RNF115: variants seen among roughly 807,000 people sequenced by gnomAD.
RNF115 encodes ring finger protein 115.
A neutral mutation model predicts 39.2 loss-of-function variants in RNF115; 31 were observed. The observed-to-expected ratio is 0.79, with a 90% CI of 0.59 to 1.07. The LOEUF (loss-of-function observed/expected upper bound fraction) is 1.07. Ranked by LOEUF, RNF115 falls within the 50% of genes least tolerant of loss-of-function variation. RNF115 has a pLI of 0.00. For synonymous variants in RNF115, 124 were observed against 131.0 expected, an observed-to-expected ratio of 0.95 and a Z score of 0.37; for missense variants, 384 against 381.7, an observed-to-expected ratio of 1.01 and a Z score of -0.05.
intron 1 of RNF115, among the ~76,000 whole-genome samples, chr1:145,795,502 G>A (rs1648935448): frequency 6.6e-6 from 1 of 152,072 alleles, no homozygotes; most frequent in African/African-American, 2.4e-5. Context: ...ACAGAGTGCT[G>A]ATTAGTGTGT....
intron 3 of RNF115, among the ~76,000 whole-genome samples, chr1:145,774,602 C>T (rs1304686950): frequency 1.3e-5 from 2 of 152,108 alleles, no homozygotes; most frequent in African/African-American, 4.8e-5. Flanking sequence ...CCGCCCACCT[C>T]GGCCTCCCAA....
chr1:145,755,742 C>A (rs924584038), intron 4 of RNF115, among the ~76,000 whole-genome samples: 9 of 151,722 alleles, frequency 5.9e-5, no homozygotes, highest in Non-Finnish European at 1.2e-4. Context: ...TAAAAAAAAA[C>A]AGAAGCACTA....
chr1:145,754,916 T>C lies in RNF115; in HGVS notation c.429-1867A>G, dbSNP rs587765849. ...CACTTAACAATAGAATATGGCAGAA[T>C]TGATAATCTGTGACTTCCAAGACAA... is the stretch of plus-strand genomic sequence containing the variant. On this transcript the variant is annotated intron_variant, in intron 4 of 8. Coordinates refer to ENST00000582693, the MANE Select transcript of RNF115 (RefSeq NM_014455.4). 4.6e-4 allele frequency among the ~76,000 whole-genome samples: 70 copies of C among 152,192 alleles called. 2 individuals are homozygous for C. In the South Asian group the frequency reaches 0.014, roughly 31 times the overall value.
chr1:145,763,276 T>C (rs929186120), intron 4 of RNF115, among the ~76,000 whole-genome samples: 1 of 152,194 alleles, frequency 6.6e-6, no homozygotes, highest in Non-Finnish European at 1.5e-5. Flanking sequence ...TTAGAAGTAA[T>C]GTACCCTACA....
rs1016603629 is a variant in RNF115 at position 145,745,734 on chromosome 1, C to A, written c.*1132G>T. The A allele has an allele frequency of 6.7e-6, 1 of 150,292 alleles. No homozygotes were observed. The highest frequency in any genetic ancestry group is 6.6e-5 in the Admixed American group (1 of 15,084). The allele number at this position is 150,292 out of a possible 1,614,324, so 9.3% of individuals were successfully genotyped here. A position where few individuals can be genotyped will look rare whatever the true frequency, so the allele number is the denominator to read the frequency against. ...CCTCCCAAAGTGCTGGGATTACAGG[C>A]GTGAGCCACCGCGCCCAGCGGTAAT... On this transcript the variant is annotated 3_prime_UTR_variant, in exon 9 of 9. Coordinates refer to ENST00000582693, the MANE Select transcript of RNF115 (RefSeq NM_014455.4).
At chr1:145,754,455 G>A (rs933613051) in intron 4 of RNF115, among the ~76,000 whole-genome samples, 2 of 152,038 alleles carry the variant, frequency 1.3e-5, no homozygotes, top group African/African-American at 4.8e-5. Context: ...CCAGGTTCAA[G>A]CAATTCTTGT....
At chr1:145,789,706 T>C (rs1426545641) in intron 1 of RNF115, among the ~76,000 whole-genome samples, 32 of 70,514 alleles carry the variant, frequency 4.5e-4, no homozygotes, top group African/African-American at 1.2e-3. Context: ...ACTTCTTTTT[T>C]TTTTTTTTTT....
chr1:145,787,268 A>G (rs587664174), intron 2 of RNF115, among the ~76,000 whole-genome samples: 1 of 152,362 alleles, frequency 6.6e-6, no homozygotes, highest in South Asian at 2.1e-4. Context: ...ATGCTATTCT[A>G]AAATTTATTA....
chr1:145,787,002 T>C (rs1553718159), intron 2 of RNF115: 6 of 1,198,628 alleles, frequency 5.0e-6, no homozygotes, highest in South Asian at 1.3e-5. Context: ...GTAAAACTAA[T>C]AGTACATACT....
intron 1 of RNF115, among the ~76,000 whole-genome samples, chr1:145,789,798 C>T (rs587712681): frequency 1.3e-5 from 2 of 150,170 alleles, no homozygotes; most frequent in East Asian, 3.9e-4. Flanking sequence ...CAACCTCCAC[C>T]TCCTGGGTTT....
At chr1:145,780,717 A>T (rs1446643788) in intron 3 of RNF115, among the ~76,000 whole-genome samples, 2 of 152,136 alleles carry the variant, frequency 1.3e-5, no homozygotes, top group African/African-American at 4.8e-5. Flanking sequence ...AACAAATAAC[A>T]AATTTTATTT....
intron 1 of RNF115, among the ~76,000 whole-genome samples, chr1:145,795,182 C>T (rs192449314): frequency 2.0e-5 from 3 of 151,974 alleles, no homozygotes; most frequent in South Asian, 2.1e-4. Flanking sequence ...TTGGCACGTC[C>T]GGAATTGTTT....
chr1:145,779,854 G>C (rs1372463548), intron 3 of RNF115, among the ~76,000 whole-genome samples: 1 of 151,802 alleles, frequency 6.6e-6, no homozygotes, highest in Non-Finnish European at 1.5e-5. Context: ...GTAAAGACAG[G>C]GTTTCATCAC....
chr1:145,801,718 A>G (rs4970875), intron 1 of RNF115, among the ~76,000 whole-genome samples: 81,949 of 151,956 alleles, frequency 0.54, 23,669 homozygotes, highest in African/African-American at 0.74. Flanking sequence ...ATGCAGTCAC[A>G]AAATCTTACC....
intron 1 of RNF115, among the ~76,000 whole-genome samples, chr1:145,797,300 T>C (rs587657051): frequency 2.5e-4 from 38 of 152,306 alleles, no homozygotes; most frequent in African/African-American, 8.2e-4. Context: ...CCTCCTTCTC[T>C]GGCAAAACTC....
intron 7 of RNF115, among the ~76,000 whole-genome samples, chr1:145,748,775 C>T (rs1351296835): frequency 1.3e-5 from 2 of 151,836 alleles, no homozygotes; most frequent in Non-Finnish European, 1.5e-5. Context: ...AACCCACCTA[C>T]TCAGGAGGCT....
rs1649137092 is a variant in RNF115, at chr1:145,799,598, T to G, written c.103-10632A>C. ...TGAGATGTTCACTGTGGGCTTTTTTTTGTTGGGGGGAGGGGGTGGGTGAGG... is the reference window on the plus strand; with the variant it reads ...TGAGATGTTCACTGTGGGCTTTTTTGTGTTGGGGGGAGGGGGTGGGTGAGG... On this transcript the variant is annotated intron_variant, in intron 1 of 8. Transcript: ENST00000582693. Among the ~76,000 whole-genome samples the G allele has an allele frequency of 2.1e-5, 3 of 144,542 alleles. No individual in the cohort carries two copies. In the Admixed American group the frequency reaches 2.1e-4, roughly 10 times the overall value. The allele number at this position is 144,542 out of a possible 152,430, so 94.8% of individuals were successfully genotyped here.
At chr1:145,798,520 A>G (rs1553720411) in intron 1 of RNF115, among the ~76,000 whole-genome samples, 2 of 152,124 alleles carry the variant, frequency 1.3e-5, no homozygotes, top group South Asian at 4.1e-4. Context: ...TCCATTGTCT[A>G]TATGTCTGTT....
intron 4 of RNF115, among the ~76,000 whole-genome samples, chr1:145,762,276 A>G (rs907392881): frequency 5.9e-5 from 9 of 152,166 alleles, no homozygotes; most frequent in African/African-American, 1.9e-4. Flanking sequence ...TGAAGACATG[A>G]GATTTGGAGG....
Sources: allele counts gnomAD v4.1 joint callset (sites outside exome capture counted in the v4.1 genomes callset), GRCh38; gene constraint gnomAD v4.1.1; transcripts MANE v1.5; gene names NCBI Gene and HGNC (gene_info 2026-07-23, HGNC 2026-07-21).